RPS6KA5: variants seen among roughly 807,000 people sequenced by gnomAD.
RPS6KA5 encodes the protein ribosomal protein S6 kinase A5.
A neutral mutation model predicts 85.5 loss-of-function variants in RPS6KA5; 27 were observed. That is an observed-to-expected ratio of 0.32 (90% CI 0.23 to 0.44). RPS6KA5 has a LOEUF of 0.44. Ranked by LOEUF, RPS6KA5 falls within the 20% of genes least tolerant of loss-of-function variation. The pLI, the probability that RPS6KA5 is intolerant of heterozygous loss-of-function variation, is 1.00. For missense variants in RPS6KA5, 811 were observed against 980.9 expected, an observed-to-expected ratio of 0.83 and a Z score of 2.31; for synonymous variants, 334 against 348.2, an observed-to-expected ratio of 0.96 and a Z score of 0.46.
intron 2 of RPS6KA5, among the ~76,000 whole-genome samples, chr14:90,990,074 T>C (rs886184621): frequency 3.3e-5 from 5 of 151,788 alleles, no homozygotes; most frequent in East Asian, 3.9e-4. Flanking sequence ...GCACTACCAA[T>C]GGGGGGACAA....
intron 14 of RPS6KA5, among the ~76,000 whole-genome samples, chr14:90,883,433 T>C (rs1000763105): frequency 1.3e-5 from 2 of 152,210 alleles, no homozygotes; most frequent in African/African-American, 4.8e-5. Context: ...TATTGAATTT[T>C]TCATTTTAGT....
rs143680624 is a variant in RPS6KA5 at position 90,915,479 on chromosome 14, T to C, written c.806+4727A>G. 5.5e-4 allele frequency among the ~76,000 whole-genome samples: 83 copies of C among 152,178 alleles called. 1 individual carries two copies. In the Middle Eastern group the frequency reaches 0.014, roughly 25 times the overall value. On this transcript the variant is annotated intron_variant, in intron 7 of 16. Transcript: ENST00000614987. ...CATTGCAAGGAACTGAGAGTGGCCA[T>C]TGGCGTAAAAGATGTTCTATACAGA...
intron 1 of RPS6KA5, among the ~76,000 whole-genome samples, chr14:91,017,522 T>C (rs2041555268): frequency 6.6e-6 from 1 of 152,226 alleles, no homozygotes; most frequent in Admixed American, 6.5e-5. Context: ...CTTGATGGAA[T>C]GGCCTCTGGA....
chr14:90,927,090 G>C (rs2036716042), intron 5 of RPS6KA5, among the ~76,000 whole-genome samples: 1 of 152,138 alleles, frequency 6.6e-6, no homozygotes, highest in African/African-American at 2.4e-5. Flanking sequence ...ATGATCGTTT[G>C]AGAGATAATG....
At chr14:91,052,543 A>G in intron 1 of RPS6KA5, 1 of 200,442 alleles carries the variant, frequency 5.0e-6, no homozygotes, top group Non-Finnish European at 1.0e-5. Flanking sequence ...TAAGATCTTT[A>G]GGCAAGCGCG....
intron 1 of RPS6KA5, 83 bp from the exon 2 acceptor site, chr14:91,001,242 G>A (rs1032959497): frequency 2.3e-5 from 18 of 795,606 alleles, no homozygotes; most frequent in African/African-American, 1.9e-4. Flanking sequence ...TACCAGCGAC[G>A]CTCTATTTCT....
intron 3 of RPS6KA5, among the ~76,000 whole-genome samples, chr14:90,964,933 A>C (rs1183482428): frequency 2.7e-5 from 4 of 147,764 alleles, no homozygotes; most frequent in African/African-American, 2.4e-5. Context: ...AAAAAAAAAA[A>C]AACCAAAAAA....
At chr14:91,035,561 T>C (rs760087665) in intron 1 of RPS6KA5, among the ~76,000 whole-genome samples, 1 of 151,688 alleles carries the variant, frequency 6.6e-6, no homozygotes, top group Non-Finnish European at 1.5e-5. Flanking sequence ...GCAAACCAGA[T>C]AGAAGGGTAG....
At chr14:90,998,359 A>G (rs1250147559) in intron 2 of RPS6KA5, among the ~76,000 whole-genome samples, 1 of 152,242 alleles carries the variant, frequency 6.6e-6, no homozygotes, top group East Asian at 1.9e-4. Flanking sequence ...ATGGAACAAT[A>G]TGGTACGTGA....
At chr14:91,003,866 T>G (rs1432505963) in intron 1 of RPS6KA5, among the ~76,000 whole-genome samples, 2 of 152,194 alleles carry the variant, frequency 1.3e-5, no homozygotes, top group Non-Finnish European at 2.9e-5. Context: ...CTGATAGAGT[T>G]TAGATTTCTT....
chr14:90,904,389 A>G (rs527339617), intron 8 of RPS6KA5, among the ~76,000 whole-genome samples: 1 of 152,352 alleles, frequency 6.6e-6, no homozygotes, highest in African/African-American at 2.4e-5. Flanking sequence ...CTAAAATGGA[A>G]TTCAGATCAT....
At chr14:90,877,831 A>G (rs1214772252) in intron 14 of RPS6KA5, among the ~76,000 whole-genome samples, 3 of 152,192 alleles carry the variant, frequency 2.0e-5, no homozygotes, top group Non-Finnish European at 4.4e-5. Context: ...CGGGATGGGC[A>G]AATTCCTTAA....
intron 3 of RPS6KA5, among the ~76,000 whole-genome samples, chr14:90,949,801 T>C (rs1463283510): frequency 6.6e-6 from 1 of 152,220 alleles, no homozygotes; most frequent in Non-Finnish European, 1.5e-5. Flanking sequence ...TGGGACAAAG[T>C]GCTTTATTTT....
chr14:91,052,803 C>T (rs1434485644), intron 1 of RPS6KA5, among the ~76,000 whole-genome samples: 1 of 146,150 alleles, frequency 6.8e-6, no homozygotes, highest in African/African-American at 2.6e-5. Context: ...CACTGTACTC[C>T]AGCCTGGGAA....
At chr14:91,044,370 AAAGAAG>A (rs2042753742) in intron 1 of RPS6KA5, among the ~76,000 whole-genome samples, 1 of 14,378 alleles carries the variant, frequency 7.0e-5, no homozygotes, top group African/African-American at 2.4e-4. Context: ...AAAGAGAAAG[AAAGAAG>A]GAAAGAAAGA....
At chr14:90,901,713 T>C (rs1178557315) in intron 9 of RPS6KA5, among the ~76,000 whole-genome samples, 2 of 152,176 alleles carry the variant, frequency 1.3e-5, no homozygotes, top group Non-Finnish European at 2.9e-5. Flanking sequence ...ATACTAAAGG[T>C]ATACTTATAG....
At chr14:90,969,316 GCA>G (rs1254500024) in intron 3 of RPS6KA5, among the ~76,000 whole-genome samples, 1 of 152,164 alleles carries the variant, frequency 6.6e-6, no homozygotes, top group Non-Finnish European at 1.5e-5. Context: ...ACATACTGTT[GCA>G]CAGTTTCAGG....
chr14:90,955,008 T>C (rs1453487472), intron 3 of RPS6KA5, among the ~76,000 whole-genome samples: 1 of 152,216 alleles, frequency 6.6e-6, no homozygotes, highest in Admixed American at 6.5e-5. Flanking sequence ...ACCCAAGGTT[T>C]GTCAATTTGT....
chr14:90,984,310 T>C (rs989838447), intron 2 of RPS6KA5, among the ~76,000 whole-genome samples: 4 of 152,240 alleles, frequency 2.6e-5, no homozygotes, highest in African/African-American at 9.6e-5. Context: ...TGAGACCAAA[T>C]GAATGACGTA....
Sources: allele counts gnomAD v4.1 joint callset (sites outside exome capture counted in the v4.1 genomes callset), GRCh38; gene constraint gnomAD v4.1.1; transcripts MANE v1.5; gene names NCBI Gene and HGNC (gene_info 2026-07-23, HGNC 2026-07-21).